The following SLC28A3 variants were observed in gnomAD, a reference collection of about 807,000 sequenced individuals.
SLC28A3 encodes concentrative Na(+)-nucleoside cotransporter 3.
SLC28A3 carries 68 observed loss-of-function variants against 84.2 expected under a neutral mutation model. The observed-to-expected ratio is 0.81, with a 90% CI of 0.66 to 0.99. SLC28A3 has a LOEUF of 0.99. SLC28A3 is among the 50% of genes least tolerant of loss of function. SLC28A3 has a pLI of 0.00. For synonymous variants in SLC28A3, 267 were observed against 303.6 expected (o/e 0.88, Z 1.25); for missense variants, 712 against 841.5 (o/e 0.85, Z 1.90).
At chr9:84,352,003 C>T in the SLC28A3 span, among the ~76,000 whole-genome samples, 3 of 151,904 alleles carry the variant, frequency 2.0e-5, no homozygotes, top group African/African-American at 4.8e-5. Flanking sequence ...ATCTTTTCTA[C>T]AAATTTAACA....
At chr9:84,328,423 T>C (rs1045760393) in intron 1 of SLC28A3, among the ~76,000 whole-genome samples, 1 of 151,054 alleles carries the variant, frequency 6.6e-6, no homozygotes, top group African/African-American at 2.4e-5. Context: ...AATTGCTTGA[T>C]CCCAGCCTGG....
chr9:84,356,561 G>C, the SLC28A3 span, among the ~76,000 whole-genome samples: 2 of 152,178 alleles, frequency 1.3e-5, no homozygotes, highest in African/African-American at 4.8e-5. Context: ...GCCGGGCAAG[G>C]TGGCTCACGC....
the SLC28A3 span, among the ~76,000 whole-genome samples, chr9:84,356,547 T>C: frequency 9.9e-5 from 15 of 152,118 alleles, no homozygotes; most frequent in African/African-American, 3.6e-4. Context: ...TTTACCTAAA[T>C]GAGGCCGGGC....
At chr9:84,339,395 A>G (rs4877852) in intron 1 of SLC28A3, among the ~76,000 whole-genome samples, 109,976 of 151,864 alleles carry the variant, frequency 0.72, 40,016 homozygotes, top group Middle Eastern at 0.81. Flanking sequence ...GACTACAGGC[A>G]TGTACCACCA....
At chr9:84,346,202 T>G in the SLC28A3 span, among the ~76,000 whole-genome samples, 2 of 152,194 alleles carry the variant, frequency 1.3e-5, no homozygotes, top group Admixed American at 1.3e-4. Context: ...TCTCTAAAAC[T>G]CAGCTTATAA....
the SLC28A3 span, among the ~76,000 whole-genome samples, chr9:84,359,628 T>TA: frequency 1.3e-5 from 2 of 152,102 alleles, no homozygotes; most frequent in Non-Finnish European, 2.9e-5. Context: ...ATTACCAAAT[T>TA]TAAACATCTT....
chr9:84,318,322 G>A (rs990697125), intron 1 of SLC28A3, among the ~76,000 whole-genome samples: 1 of 151,362 alleles, frequency 6.6e-6, no homozygotes, highest in Non-Finnish European at 1.5e-5. Context: ...AGGGATCTTT[G>A]GATTGGGTGC....
At chr9:84,316,829 C>T (rs1264788596) in intron 1 of SLC28A3, among the ~76,000 whole-genome samples, 1 of 151,892 alleles carries the variant, frequency 6.6e-6, no homozygotes, top group Non-Finnish European at 1.5e-5. Context: ...GGTAACACCT[C>T]GTCTCTACTA....
intron 4 of SLC28A3, among the ~76,000 whole-genome samples, chr9:84,302,655 T>C (rs918642629): frequency 1.3e-5 from 2 of 152,198 alleles, no homozygotes; most frequent in African/African-American, 4.8e-5. Context: ...AGTTCTTGAA[T>C]CTTGATGCTC....
At chr9:84,345,560 A>G (rs1056340050), upstream of SLC28A3, among the ~76,000 whole-genome samples, 1 of 152,214 alleles carries the variant, frequency 6.6e-6, no homozygotes, top group Admixed American at 6.5e-5. Flanking sequence ...CCTTGGCTGC[A>G]GACAAAATTT....
chr9:84,343,769 T>C (rs886641539), upstream of SLC28A3, among the ~76,000 whole-genome samples: 2 of 152,202 alleles, frequency 1.3e-5, no homozygotes. Flanking sequence ...AAGGACAGAA[T>C]TGAGTAGCTG....
the SLC28A3 span, among the ~76,000 whole-genome samples, chr9:84,364,313 G>C: frequency 1.3e-5 from 2 of 151,978 alleles, no homozygotes; most frequent in African/African-American, 2.4e-5. Context: ...AGTAGAGATG[G>C]GGTTTCGCCG....
intron 3 of SLC28A3, among the ~76,000 whole-genome samples, chr9:84,307,370 G>A (rs1385516514): frequency 6.8e-6 from 1 of 147,532 alleles, no homozygotes; most frequent in Non-Finnish European, 1.5e-5. Flanking sequence ...GGCGGAGGTT[G>A]CAGTGAGCCA....
rs765932343 is a variant in SLC28A3, at chr9:84,279,400, G to A, written c.1829-15C>T. On this transcript the variant is annotated splice_polypyrimidine_tract_variant and intron_variant, in intron 16 of 17. Coordinates refer to ENST00000376238, the MANE Select transcript of SLC28A3 (RefSeq NM_001199633.2). ...GGAGAGTATGCCTAGAAGTGGAACA[G>A]AGTCCCATTTATTTATTATTTTTTA... is the stretch of plus-strand genomic sequence containing the variant. 79 of 1,476,310 alleles carry A rather than the reference G, an allele frequency of 5.4e-5. No individual in the cohort carries two copies. In the South Asian group the frequency reaches 1.1e-3, roughly 21 times the overall value. 91.5% of individuals were successfully genotyped at this position (1,476,310 alleles called of 1,614,324 possible).
At chr9:84,349,635 C>T in the SLC28A3 span, among the ~76,000 whole-genome samples, 1 of 152,284 alleles carries the variant, frequency 6.6e-6, no homozygotes. Flanking sequence ...CATGGGAAAC[C>T]TGTCAGTAGC....
At chr9:84,313,656 T>C (rs1826066881) in intron 1 of SLC28A3, among the ~76,000 whole-genome samples, 1 of 152,002 alleles carries the variant, frequency 6.6e-6, no homozygotes, top group African/African-American at 2.4e-5. Context: ...GGTTCGTACC[T>C]GTAATCCCAG....
At chr9:84,301,192 AAC>A (rs1825614156) in intron 5 of SLC28A3, among the ~76,000 whole-genome samples, 2 of 151,728 alleles carry the variant, frequency 1.3e-5, no homozygotes, top group Non-Finnish European at 1.5e-5. Context: ...CTCTACTAAA[AAC>A]ACAAAAAAAT....
intron 1 of SLC28A3, among the ~76,000 whole-genome samples, chr9:84,318,802 G>A (rs1453746545): frequency 6.6e-6 from 1 of 151,956 alleles, no homozygotes; most frequent in Non-Finnish European, 1.5e-5. Flanking sequence ...CTGGGAGGCG[G>A]AGGTTGCAGT....
chr9:84,365,507 T>TA, the SLC28A3 span, among the ~76,000 whole-genome samples: 7 of 152,188 alleles, frequency 4.6e-5, no homozygotes, highest in African/African-American at 1.7e-4. Flanking sequence ...TAAGTTGATA[T>TA]AACCCCATTT....
Sources: gnomAD v4.1 joint callset for allele counts (sites outside exome capture counted in the v4.1 genomes callset) on GRCh38, gnomAD v4.1.1 for gene constraint, MANE v1.5 for transcripts, NCBI Gene and HGNC (gene_info 2026-07-23, HGNC 2026-07-21) for gene names.